ROBO2: variants seen among roughly 807,000 people sequenced by gnomAD.
The protein encoded by ROBO2 is roundabout homolog 2.
Under a neutral mutation model 160.8 loss-of-function variants are expected in ROBO2, and 53 were observed. The ratio of observed to expected loss-of-function variants is 0.33; its 90% CI spans 0.26 to 0.41. The LOEUF is 0.41. Ranked by LOEUF, ROBO2 falls within the 10% of genes least tolerant of loss-of-function variation. The pLI, the probability that ROBO2 is intolerant of heterozygous loss-of-function variation, is 1.00. For missense variants in ROBO2, 1,577 were observed against 1,722.4 expected, an observed-to-expected ratio of 0.92 and a Z score of 1.49; for synonymous variants, 664 against 611.7, an observed-to-expected ratio of 1.09 and a Z score of -1.26.
intron 2 of ROBO2, among the ~76,000 whole-genome samples, chr3:75,943,675 CTAAGA>C (rs1237943328): frequency 3.3e-5 from 5 of 151,960 alleles, no homozygotes; most frequent in Admixed American, 2.6e-4. Flanking sequence ...AATATATAAA[CTAAGA>C]TATTCTTTTT....
chr3:77,366,800 A>G (rs184663996), intron 2 of ROBO2, among the ~76,000 whole-genome samples: 8 of 152,020 alleles, frequency 5.3e-5, no homozygotes, highest in Admixed American at 5.3e-4. Flanking sequence ...AGAGAGATAC[A>G]GAGAGATACA....
intron 21 of ROBO2, among the ~76,000 whole-genome samples, chr3:77,611,369 C>G (rs2094638757): frequency 1.3e-5 from 2 of 151,318 alleles, no homozygotes; most frequent in Admixed American, 1.3e-4. Context: ...AATTGTGAAG[C>G]CTTGTATGTC....
intron 2 of ROBO2, among the ~76,000 whole-genome samples, chr3:77,142,880 G>T (rs2076815783): frequency 6.6e-6 from 1 of 152,140 alleles, no homozygotes; most frequent in South Asian, 2.1e-4. Flanking sequence ...GTCGCTAGTA[G>T]CCCTGTTTTT....
intron 5 of ROBO2, among the ~76,000 whole-genome samples, chr3:77,494,392 C>T (rs147292209): frequency 6.6e-6 from 1 of 152,186 alleles, no homozygotes; most frequent in African/African-American, 2.4e-5. Context: ...GCCTGACAAA[C>T]AGGGTGAAAC....
intron 2 of ROBO2, among the ~76,000 whole-genome samples, chr3:75,938,762 C>A (rs1181531974): frequency 6.6e-6 from 1 of 152,032 alleles, no homozygotes; most frequent in Non-Finnish European, 1.5e-5. Context: ...GCATGTGTGC[C>A]TTTGTATATG....
intron 1 of ROBO2, among the ~76,000 whole-genome samples, chr3:77,083,471 G>A (rs1366508525): frequency 6.6e-6 from 1 of 152,150 alleles, no homozygotes; most frequent in African/African-American, 2.4e-5. Context: ...TTAAAGAAAA[G>A]CAATCACTAA....
At chr3:76,646,817 A>G (rs976822647) in intron 2 of ROBO2, among the ~76,000 whole-genome samples, 1 of 152,192 alleles carries the variant, frequency 6.6e-6, no homozygotes, top group African/African-American at 2.4e-5. Context: ...AGATATTTTA[A>G]TATTTAAAAA....
At chr3:76,274,924 C>G (rs747183021) in intron 2 of ROBO2, among the ~76,000 whole-genome samples, 103 of 151,390 alleles carry the variant, frequency 6.8e-4, no homozygotes, top group Non-Finnish European at 1.2e-3. Context: ...AGTCAGTTTA[C>G]AAGAATTCAG....
intron 2 of ROBO2, among the ~76,000 whole-genome samples, chr3:75,949,294 G>T (rs2107170021): frequency 6.6e-6 from 1 of 151,966 alleles, no homozygotes; most frequent in East Asian, 1.9e-4. Context: ...TTACTTTAGG[G>T]ATTCTTTCAA....
chr3:76,024,542 A>T (rs1370798563), intron 2 of ROBO2, among the ~76,000 whole-genome samples: 3 of 151,638 alleles, frequency 2.0e-5, no homozygotes, highest in African/African-American at 7.2e-5. Flanking sequence ...TGACTATAAC[A>T]TGCAAATTAA....
At chr3:76,345,242 T>C (rs1470621353) in intron 2 of ROBO2, among the ~76,000 whole-genome samples, 3 of 152,066 alleles carry the variant, frequency 2.0e-5, no homozygotes, top group African/African-American at 7.2e-5. Context: ...TGGGTGAATC[T>C]CTGGAGACCC....
At chr3:77,356,254 A>T (rs1311430917) in intron 2 of ROBO2, among the ~76,000 whole-genome samples, 1 of 152,198 alleles carries the variant, frequency 6.6e-6, no homozygotes, top group Non-Finnish European at 1.5e-5. Flanking sequence ...TGAAAAAGTT[A>T]CAAAACAATT....
rs190380989 is a variant in ROBO2, at chr3:76,074,988, T to G, written c.109+137386T>G. ...ATTCACTAGAAACATACTTGGGGGA[T>G]GAGACCTAATCCATTAGGAATGAAT... On this transcript the variant is annotated intron_variant, in intron 2 of 26. Transcript: ENST00000487694. Among the ~76,000 whole-genome samples the G allele has an allele frequency of 7.1e-4, 108 of 152,260 alleles. 1 individual carries two copies. The highest frequency in any genetic ancestry group is 1.2e-3 in the Non-Finnish European group (84 of 68,018).
chr3:77,162,501 C>G (rs371837848), intron 2 of ROBO2, among the ~76,000 whole-genome samples: 2 of 152,116 alleles, frequency 1.3e-5, no homozygotes, highest in Non-Finnish European at 2.9e-5. Flanking sequence ...TGTTTCCGTA[C>G]GTAAGATCCA....
chr3:76,201,364 G>A (rs1216707276), intron 2 of ROBO2, among the ~76,000 whole-genome samples: 3 of 152,106 alleles, frequency 2.0e-5, no homozygotes, highest in African/African-American at 7.2e-5. Context: ...GGACCGTCAT[G>A]CATTGAACTC....
At chr3:76,616,131 C>A (rs376474248) in intron 2 of ROBO2, among the ~76,000 whole-genome samples, 1 of 152,136 alleles carries the variant, frequency 6.6e-6, no homozygotes, top group South Asian at 2.1e-4. Context: ...AGCTCAATGC[C>A]TTTTTAGAAA....
intron 2 of ROBO2, among the ~76,000 whole-genome samples, chr3:76,363,583 C>T (rs2075647625): frequency 6.6e-6 from 1 of 152,002 alleles, no homozygotes; most frequent in Admixed American, 6.6e-5. Flanking sequence ...ATCTAGGTAA[C>T]TGAGATAATG....
intron 2 of ROBO2, among the ~76,000 whole-genome samples, chr3:75,987,948 G>A (rs1289262292): frequency 6.6e-6 from 1 of 151,750 alleles, no homozygotes; most frequent in Non-Finnish European, 1.5e-5. Flanking sequence ...GAGGATTTTT[G>A]CGTTGATATT....
At chr3:76,834,094 CTTTCTTT>C (rs1559575171) in intron 2 of ROBO2, among the ~76,000 whole-genome samples, 1 of 119,860 alleles carries the variant, frequency 8.3e-6, no homozygotes, top group Non-Finnish European at 1.8e-5. Context: ...TTCTTTCTTT[CTTTCTTT>C]CTTTCTTTCT....
Sources: gnomAD v4.1 joint callset for allele counts (sites outside exome capture counted in the v4.1 genomes callset) on GRCh38, gnomAD v4.1.1 for gene constraint, MANE v1.5 for transcripts, NCBI Gene and HGNC (gene_info 2026-07-23, HGNC 2026-07-21) for gene names.